The following COL23A1 variants were observed in gnomAD, a reference collection of about 807,000 sequenced individuals.
The protein encoded by COL23A1 is collagen alpha-1(XXIII) chain.
COL23A1 carries 97 observed loss-of-function variants against 99.3 expected under a neutral mutation model. The ratio of observed to expected loss-of-function variants is 0.98; its 90% CI spans 0.83 to 1.16. COL23A1 has a LOEUF of 1.16. Among genes scored for constraint, COL23A1 ranks in the 50% most tolerant of loss-of-function variants. The pLI, the probability that COL23A1 is intolerant of heterozygous loss-of-function variation, is 0.00. For synonymous variants in COL23A1, 320 were observed against 308.2 expected, an observed-to-expected ratio of 1.04 and a Z score of -0.40; for missense variants, 762 against 757.4, an observed-to-expected ratio of 1.01 and a Z score of -0.07.
At position 178,384,708 on chromosome 5, in the gene COL23A1, C is replaced by T. The variant is rs1049608256; in HGVS notation, c.362-77789G>A. On this transcript the variant is annotated intron_variant, in intron 2 of 28. Coordinates refer to ENST00000390654, the MANE Select transcript of COL23A1 (RefSeq NM_173465.4). This position sits in a 1 kb window ranked among gnomAD's most constrained non-coding sequence, Gnocchi z 5.5. ...AGAAGCCTCCTGGGGGCCTCACCCA[C>T]TGAATCAGAGTGCGCGCTCACAGGG... is the stretch of plus-strand genomic sequence containing the variant. 6.6e-6 allele frequency among the ~76,000 whole-genome samples: 1 copy of T among 152,212 alleles called. No homozygotes were observed. The highest frequency in any genetic ancestry group is 2.4e-5 in the African/African-American group (1 of 41,462).
intron 2 of COL23A1, among the ~76,000 whole-genome samples, chr5:178,338,169 G>A (rs751573723): frequency 7.9e-5 from 12 of 152,202 alleles, no homozygotes; most frequent in Non-Finnish European, 1.5e-4. Flanking sequence ...GGTATCAGGT[G>A]CTTCTGAAAG....
rs559673471 is a variant in COL23A1, at chr5:178,279,090, C to T, written c.442-8727G>A. Among the ~76,000 whole-genome samples, 724 of 152,324 alleles carry T rather than the reference C, an allele frequency of 4.8e-3. 5 individuals carry two copies. Among genetic ancestry groups the T allele is most frequent in the African/African-American group, 0.017 (688 of 41,564 alleles). ...CACCAGCCCAAAGCTTTGCTCGAGC[C>T]CTGTGCCCTGCCTGCTGACTGCCCC... On this transcript the variant is annotated intron_variant, in intron 5 of 28. Coordinates refer to ENST00000390654, the MANE Select transcript of COL23A1 (RefSeq NM_173465.4).
Position 178,415,892 on chromosome 5 carries a change from C to T in COL23A1, c.362-108973G>A, listed in dbSNP as rs1191486282. 6.6e-6 allele frequency among the ~76,000 whole-genome samples: 1 copy of T among 152,028 alleles called. No individual in the cohort carries two copies. Among genetic ancestry groups the T allele is most frequent in the Non-Finnish European group, 1.5e-5 (1 of 68,008 alleles). On this transcript the variant is annotated intron_variant, in intron 2 of 28. Transcript: ENST00000390654. This position sits in a 1 kb window ranked among gnomAD's most constrained non-coding sequence, Gnocchi z 4.6. ...ACTGGGTGAGGCCAGGGAGGGCTTC[C>T]GAGGGAGGTGATTCCAGGGCTGGAT...
chr5:178,430,060 C>T lies in COL23A1; in HGVS notation c.362-123141G>A, dbSNP rs1394466745. The stretch of plus-strand genomic sequence containing the variant: ...CAGCCAGGGAGGTCAGCCAGGTACT[C>T]TGTCCCCTGAGGTGCACCTGGAAAG... On this transcript the variant is annotated intron_variant, in intron 2 of 28. Coordinates refer to ENST00000390654, the MANE Select transcript of COL23A1 (RefSeq NM_173465.4). Among the ~76,000 whole-genome samples the T allele has an allele frequency of 2.0e-5, 3 of 152,208 alleles. No individual in the cohort carries two copies. In the East Asian group the frequency reaches 5.8e-4, roughly 29 times the overall value.
At chr5:178,257,399 G>T in intron 13 of COL23A1, 124 bp downstream of exon 13, 1 of 1,156,100 alleles carries the variant, frequency 8.6e-7, no homozygotes, top group Non-Finnish European at 1.3e-6. Context: ...CCTCTCTCCG[G>T]CCTGCGCTGG....
intron 8 of COL23A1, among the ~76,000 whole-genome samples, chr5:178,264,356 G>A (rs1765798549): frequency 6.7e-6 from 1 of 149,926 alleles, no homozygotes; most frequent in African/African-American, 2.5e-5. Flanking sequence ...AAAAAAGGAT[G>A]ATGAAGGGCC....
At chr5:178,305,547 T>C (rs1758304743) in intron 3 of COL23A1, among the ~76,000 whole-genome samples, 1 of 152,070 alleles carries the variant, frequency 6.6e-6, no homozygotes. Context: ...CCGTGCTGAG[T>C]GTGGGGCGAT....
chr5:178,453,880 A>G (rs1767625191), intron 2 of COL23A1, among the ~76,000 whole-genome samples: 1 of 152,228 alleles, frequency 6.6e-6, no homozygotes, highest in African/African-American at 2.4e-5. Flanking sequence ...GTGCCAGACC[A>G]GAGATATTAA....
In COL23A1 at chr5:178,249,182, G is replaced by C. The variant is rs1764877310; in HGVS notation, c.1084C>G (p.Pro362Ala). The change falls in exon 19 of 29, where the codon CCA (proline) becomes GCA (alanine). Residue 362 changes from proline to alanine, a missense_variant. Coordinates refer to ENST00000390654, the MANE Select transcript of COL23A1 (RefSeq NM_173465.4). ...EKGPKGQKGD[P>A]GEPGPAGLKG... Reference sequence around the variant, plus strand: ...AGTCCTGCTGGCCCAGGCTCTCCTGGGTCTCCTTTCTGTCCTTTGGGGCCC... The same window carrying C: ...AGTCCTGCTGGCCCAGGCTCTCCTGCGTCTCCTTTCTGTCCTTTGGGGCCC... The C allele has an allele frequency of 1.2e-6, 2 of 1,614,110 alleles. No individual in the cohort carries two copies. The highest frequency in any genetic ancestry group is 8.5e-7 in the Non-Finnish European group (1 of 1,180,038).
chr5:178,508,277 G>T (rs1489576176), intron 2 of COL23A1, among the ~76,000 whole-genome samples: 1 of 151,932 alleles, frequency 6.6e-6, no homozygotes, highest in Non-Finnish European at 1.5e-5. Context: ...ATCTGTAATT[G>T]CTCACTGAAG....
rs1554159465 is a variant in COL23A1, at chr5:178,403,119, A to AT, written c.362-96201_362-96200insA. Among the ~76,000 whole-genome samples the AT allele has an allele frequency of 5.0e-3, 538 of 108,378 alleles. 44 individuals are homozygous for AT. The highest frequency in any genetic ancestry group is 0.018 in the African/African-American group (509 of 28,964). The allele number at this position is 108,378 out of a possible 152,430, so 71.1% of individuals were successfully genotyped here. ...GAGAGACTCCATCTCAAAAAAAAAA[A>AT]AAATAAATAAATAAAAAATAAATAC... On this transcript the variant is annotated intron_variant, in intron 2 of 28. Transcript: ENST00000390654.
intron 2 of COL23A1, chr5:178,523,856 G>A (rs1760158992): frequency 6.6e-6 from 1 of 152,180 alleles, no homozygotes; most frequent in Non-Finnish European, 1.5e-5. Context: ...AACCTGAGCT[G>A]TTACACGGGG....
intron 1 of COL23A1, among the ~76,000 whole-genome samples, chr5:178,572,444 C>G (rs1325610594): frequency 2.7e-5 from 4 of 150,136 alleles, no homozygotes; most frequent in Non-Finnish European, 5.9e-5. Context: ...CAAGCACACA[C>G]AAAAAAAAAT....
rs562787730 is a variant in COL23A1 at position 178,419,575 on chromosome 5, C to A, written c.362-112656G>T. 2.6e-5 allele frequency among the ~76,000 whole-genome samples: 4 copies of A among 152,214 alleles called. No individual in the cohort carries two copies. The East Asian group carries it at 7.7e-4, about 29-fold the overall frequency. ...GGGCAGTGGGTTGCAGACTGGGCAT[C>A]CCTATGCCTCCCCATGTGCTGGCCC... is the stretch of plus-strand genomic sequence containing the variant. On this transcript the variant is annotated intron_variant, in intron 2 of 28. Transcript: ENST00000390654.
chr5:178,351,469 C>G (rs188262795), intron 2 of COL23A1, among the ~76,000 whole-genome samples: 7 of 152,316 alleles, frequency 4.6e-5, no homozygotes, highest in Admixed American at 1.3e-4. Context: ...TCAGTGAAAA[C>G]AGCCAGCAGA....
chr5:178,276,468 C>A (rs974249590), intron 5 of COL23A1, among the ~76,000 whole-genome samples: 1 of 152,164 alleles, frequency 6.6e-6, no homozygotes, highest in African/African-American at 2.4e-5. Flanking sequence ...GTAATTACAC[C>A]CCAGATGTTG....
rs1486951040 is a variant in COL23A1 at position 178,468,397 on chromosome 5, A to AG, written c.361+92284dup. 6.6e-6 allele frequency among the ~76,000 whole-genome samples: 1 copy of AG among 152,198 alleles called. No individual in the cohort carries two copies. The highest frequency in any genetic ancestry group is 1.5e-5 in the Non-Finnish European group (1 of 68,038). ...GGGTCAAAGGGCGATGGACTGGGCT[A>AG]GGGGTCAGTGTGATGATGGTGAATG... On this transcript the variant is annotated intron_variant, in intron 2 of 28. Coordinates refer to ENST00000390654, the MANE Select transcript of COL23A1 (RefSeq NM_173465.4). The surrounding 1 kb of genome is among the most constrained non-coding windows in gnomAD (Gnocchi z 4.2).
At chr5:178,299,632 A>G (rs1757924362) in intron 3 of COL23A1, among the ~76,000 whole-genome samples, 1 of 139,482 alleles carries the variant, frequency 7.2e-6, no homozygotes, top group Non-Finnish European at 1.6e-5. Context: ...CTGTTTTTCT[A>G]TTTTCCATTT....
Position 178,559,758 on chromosome 5 carries a change from C to T in COL23A1, c.361+924G>A, listed in dbSNP as rs866687939. On this transcript the variant is annotated intron_variant, in intron 2 of 28. Coordinates refer to ENST00000390654, the MANE Select transcript of COL23A1 (RefSeq NM_173465.4). ...CCTGCATGTCGAGAAGTCTGAGACA[C>T]ATCACCCAAAAGAGACCTTTCCCTG... Among the ~76,000 whole-genome samples, 3 of 147,322 alleles carry T rather than the reference C, an allele frequency of 2.0e-5. No homozygotes were observed. In the South Asian group the frequency reaches 6.6e-4, roughly 33 times the overall value.
Sources: allele counts gnomAD v4.1 joint callset (sites outside exome capture counted in the v4.1 genomes callset), GRCh38; gene constraint gnomAD v4.1.1; non-coding constraint Gnocchi (gnomAD v3.1); transcripts MANE v1.5; gene names NCBI Gene and HGNC (gene_info 2026-07-23, HGNC 2026-07-21).